PLCH2: variants seen among roughly 807,000 people sequenced by gnomAD.
PLCH2 encodes phospholipase C eta 2.
A neutral mutation model predicts 134.7 loss-of-function variants in PLCH2; 98 were observed. The ratio of observed to expected loss-of-function variants is 0.73; its 90% CI spans 0.62 to 0.86. The LOEUF (loss-of-function observed/expected upper bound fraction) is 0.86. Among genes scored for constraint, PLCH2 ranks in the 40% least tolerant of loss-of-function variants. The pLI is 0.00. For synonymous variants in PLCH2, 974 were observed against 827.5 expected (o/e 1.18, Z -3.04); for missense variants, 1,994 against 1,986.6 (o/e 1.00, Z -0.07).
upstream of PLCH2, among the ~76,000 whole-genome samples, chr1:2,466,402 G>A (rs1469265260): frequency 6.6e-6 from 1 of 152,224 alleles, no homozygotes; most frequent in Non-Finnish European, 1.5e-5. Flanking sequence ...CAGCTCCTTT[G>A]AGGGTGCCAG....
Position 2,499,133 on chromosome 1 carries a change from G to A in PLCH2, c.2484G>A (p.Pro828=), listed in dbSNP as rs376684941. 109 of 1,612,686 alleles carry A rather than the reference G, an allele frequency of 6.8e-5. 2 individuals carry two copies. In the East Asian group the frequency reaches 6.9e-4, roughly 10 times the overall value. Residue 828 remains proline, a synonymous_variant, in exon 19 of 22, where the codon CCG becomes CCA. Coordinates refer to ENST00000378486, the MANE Select transcript of PLCH2 (RefSeq NM_014638.4). ...EETLVFMVHM[P]EIALVRFLVW... ...CCCTGGTTTTCATGGTGCACATGCC[G>A]GAGATCGCGCTGGTCCGCTTCCTCG...
intron 1 of PLCH2, among the ~76,000 whole-genome samples, chr1:2,468,925 G>A (rs1394488144): frequency 6.6e-6 from 1 of 152,180 alleles, no homozygotes; most frequent in Non-Finnish European, 1.5e-5. Flanking sequence ...GCCGTGCCTG[G>A]CCTGTGCAGC....
rs771457213 is a variant in PLCH2, at chr1:2,501,872, T to TG, written c.2662-236dup. On this transcript the variant is annotated intron_variant, in intron 20 of 21. Transcript: ENST00000378486. ...GCGAGGGCAGTTTCTGCCGGAAGGG[T>TG]GGGGTGGGCCATGTGTACTTAGATC... 685 of 455,684 alleles carry TG rather than the reference T, an allele frequency of 1.5e-3. 1 individual carries two copies. The highest frequency in any genetic ancestry group is 2.3e-3 in the Non-Finnish European group (607 of 261,222). The allele number at this position is 455,684 out of a possible 1,614,324, so 28.2% of individuals were successfully genotyped here.
At position 2,444,889 on chromosome 1, in the gene PLCH2, GTGTC is replaced by G. The variant is rs1305630037; in HGVS notation, c.115+14263_115+14266del. Among the ~76,000 whole-genome samples the G allele has an allele frequency of 6.6e-6, 1 of 152,088 alleles. No homozygotes were observed. The highest frequency in any genetic ancestry group is 1.5e-5 in the Non-Finnish European group (1 of 67,998). Reference sequence around the variant, plus strand: ...ACACCCCTGACTTGGGGAGCCCATGGTGTCTGCCTGCCTGGGTGTCTGATCCTAG... The same window carrying G: ...ACACCCCTGACTTGGGGAGCCCATGGTGCCTGCCTGGGTGTCTGATCCTAG... On this transcript the variant is annotated intron_variant, in intron 2 of 3. Transcript: ENST00000609981. This position sits in a 1 kb window ranked among gnomAD's most constrained non-coding sequence, Gnocchi z 4.6.
Position 2,479,882 on chromosome 1 carries a change from C to T in PLCH2, c.420C>T (p.Ser140=), listed in dbSNP as rs771436121. 41 of 1,611,634 alleles carry T rather than the reference C, an allele frequency of 2.5e-5. No individual in the cohort carries two copies. The highest frequency in any genetic ancestry group is 2.2e-4 in the South Asian group (20 of 91,052). ...RESLDLVSTS[S]EVARTWVTGL... is the part of the protein sequence containing the mutation. ...CGCTGGACCTGGTCTCCACCAGCAG[C>T]GAGGTGGCGCGCACCTGGGTCACTG... Residue 140 remains serine, a synonymous_variant, in exon 3 of 22, where the codon AGC becomes AGT. Transcript: ENST00000378486.
At chr1:2,488,020 G>C in intron 8 of PLCH2, among the ~76,000 whole-genome samples, 1 of 152,250 alleles carries the variant, frequency 6.6e-6, no homozygotes, top group Non-Finnish European at 1.5e-5. Context: ...GCCACTCTGT[G>C]TCCAGACTCA....
chr1:2,479,709 C>T lies in PLCH2; in HGVS notation c.272-25C>T, dbSNP rs980765467. On this transcript the variant is annotated intron_variant, in intron 2 of 21. Transcript: ENST00000378486. ...GGACGCTGGGCCCCCGGGGACCTGA[C>T]CCGTGCTCCCTCCCCACCCCGCAGT... 5.3e-6 allele frequency: 8 copies of T among 1,523,594 alleles called. No homozygotes were observed. The African/African-American group carries it at 8.3e-5, about 16-fold the overall frequency. 94.4% of individuals were successfully genotyped at this position (1,523,594 alleles called of 1,614,324 possible). A position where few individuals can be genotyped will look rare whatever the true frequency, so the allele number is the denominator to read the frequency against.
the PLCH2 span, among the ~76,000 whole-genome samples, chr1:2,420,005 C>A: frequency 2.0e-5 from 3 of 150,584 alleles, no homozygotes; most frequent in Non-Finnish European, 4.4e-5. Flanking sequence ...GCTCCCCCCA[C>A]TACCCCCTCC....
At chr1:2,488,220 G>A (rs1451004730) in intron 8 of PLCH2, among the ~76,000 whole-genome samples, 1 of 152,212 alleles carries the variant, frequency 6.6e-6, no homozygotes. Flanking sequence ...TTAGGAAACA[G>A]AAGTAGATGG....
chr1:2,431,887 C>T (rs547441592), intron 2 of PLCH2, among the ~76,000 whole-genome samples: 3 of 152,240 alleles, frequency 2.0e-5, no homozygotes, highest in South Asian at 2.1e-4. Context: ...TTGGTTGAGC[C>T]GGAATCGTGT....
In PLCH2 at chr1:2,459,455, TCC is replaced by T. The variant is rs1557969658; in HGVS notation, c.116-19020_116-19019del. Among the ~76,000 whole-genome samples the T allele has an allele frequency of 9.2e-3, 614 of 66,794 alleles. 9 individuals are homozygous for T. The highest frequency in any genetic ancestry group is 0.023 in the South Asian group (31 of 1,330). The allele number at this position is 66,794 out of a possible 152,430, so 43.8% of individuals were successfully genotyped here. The stretch of plus-strand genomic sequence containing the variant: ...GGTCCTCCTTGCCGGTGGTCCTCCT[TCC>T]TGGTGGTTCTCCTTCCTGGTGGTCC... On this transcript the variant is annotated intron_variant, in intron 2 of 3. Coordinates refer to the PLCH2 transcript ENST00000609981.
rs889722820 is a variant in PLCH2 at position 2,455,296 on chromosome 1, C to T, written c.116-23180C>T. Reference sequence around the variant, plus strand: ...CTAGGCTGGGTGCTGCCCAGAGGCCCGGCAGGTCCCTGTTCCCCGGCCTGG... The same window carrying T: ...CTAGGCTGGGTGCTGCCCAGAGGCCTGGCAGGTCCCTGTTCCCCGGCCTGG... On this transcript the variant is annotated intron_variant, in intron 2 of 3. Transcript: ENST00000609981. 5.3e-5 allele frequency among the ~76,000 whole-genome samples: 8 copies of T among 152,204 alleles called. 1 individual carries two copies. The South Asian group carries it at 1.2e-3, about 24-fold the overall frequency.
chr1:2,446,062 A>G (rs1228480240), intron 2 of PLCH2, among the ~76,000 whole-genome samples: 1 of 152,190 alleles, frequency 6.6e-6, no homozygotes, highest in African/African-American at 2.4e-5. Context: ...GGACCAGCCC[A>G]GAGGGTCCCT....
chr1:2,455,176 C>T (rs1640430302), intron 2 of PLCH2, among the ~76,000 whole-genome samples: 1 of 152,248 alleles, frequency 6.6e-6, no homozygotes, highest in South Asian at 2.1e-4. Context: ...CTCAGCCGAC[C>T]CATCTGCAGG....
At position 2,487,240 on chromosome 1, in the gene PLCH2, G is replaced by C. The variant is rs367661559; in HGVS notation, c.978G>C (p.Gln326His). ...IFNPEHHHVH[Q>H]DMTQPLSHYF... The stretch of plus-strand genomic sequence containing the variant: ...ACCCTGAGCACCACCATGTGCACCA[G>C]GACATGACGCAGCCGCTGAGCCACT... The change falls in exon 7 of 22, where the codon CAG becomes CAC. Residue 326 changes from glutamine (Q) to histidine (H), a missense_variant. Coordinates refer to ENST00000378486, the MANE Select transcript of PLCH2 (RefSeq NM_014638.4). 6.2e-7 allele frequency: 1 copy of C among 1,609,136 alleles called. No individual in the cohort carries two copies. The highest frequency in any genetic ancestry group is 2.2e-5 in the East Asian group (1 of 44,642).
intron 1 of PLCH2, among the ~76,000 whole-genome samples, chr1:2,429,461 G>A (rs952278191): frequency 1.3e-5 from 2 of 152,204 alleles, no homozygotes; most frequent in African/African-American, 4.8e-5. Context: ...GCTGGCCTGA[G>A]AGTGAGGAGT....
chr1:2,447,640 GC>G (rs920232441), intron 2 of PLCH2, among the ~76,000 whole-genome samples: 6 of 152,180 alleles, frequency 3.9e-5, no homozygotes, highest in African/African-American at 1.2e-4. Flanking sequence ...GGGGGTGGGG[GC>G]AAGTTGCTGA....
chr1:2,480,130 A>C, intron 3 of PLCH2, 53 bp from the exon 4 acceptor site: 1 of 1,605,430 alleles, frequency 6.2e-7, no homozygotes, highest in Non-Finnish European at 8.5e-7. Flanking sequence ...CAGAGGGTGG[A>C]GGTGTCAGGG....
rs572958479 is a variant in PLCH2 at position 2,440,724 on chromosome 1, G to A, written c.115+10095G>A. On this transcript the variant is annotated intron_variant, in intron 2 of 3. Transcript: ENST00000609981. ...CCTGCCCGGGGATCTTGCATGCTGC[G>A]ACCAGGGATTCTTGAGCCTCTGGCT... Among the ~76,000 whole-genome samples the A allele has an allele frequency of 1.4e-4, 22 of 152,260 alleles. No individual in the cohort carries two copies. In the South Asian group the frequency reaches 2.3e-3, roughly 16 times the overall value.
Sources: gnomAD v4.1 joint callset for allele counts (sites outside exome capture counted in the v4.1 genomes callset) on GRCh38, gnomAD v4.1.1 for gene constraint, Gnocchi (gnomAD v3.1) non-coding constraint, MANE v1.5 for transcripts, NCBI Gene and HGNC (gene_info 2026-07-23, HGNC 2026-07-21) for gene names.